The following MLC1 variants were observed in gnomAD, a reference collection of about 807,000 sequenced individuals.
MLC1 encodes modulator of VRAC current 1, also known as membrane protein MLC1.
MLC1 carries 32 observed loss-of-function variants against 44.7 expected under a neutral mutation model. That is an observed-to-expected ratio of 0.72 (90% CI 0.54 to 0.96). The LOEUF (loss-of-function observed/expected upper bound fraction) is 0.96, where lower values mean the gene tolerates loss of function less well. MLC1 is among the 40% of genes least tolerant of loss of function. MLC1 has a pLI of 0.00. For synonymous variants in MLC1, 190 were observed against 213.0 expected (o/e 0.89, Z 0.94); for missense variants, 459 against 492.2 (o/e 0.93, Z 0.64).
intron 3 of MLC1, 115 bp downstream of exon 3, chr22:50,082,969 T>G: frequency 1.9e-6 from 2 of 1,057,982 alleles, no homozygotes; most frequent in South Asian, 1.3e-5. Context: ...CCGGCCCATA[T>G]GAAGAGGTTT....
intron 3 of MLC1, among the ~76,000 whole-genome samples, chr22:50,081,009 A>AAAAAGAAAGAAAGAAAG (rs1555967993): frequency 1.0e-5 from 1 of 96,740 alleles, no homozygotes; most frequent in Non-Finnish European, 2.0e-5. Flanking sequence ...TTGTCTCAAA[A>AAAAAGAAAGAAAGAAAG]AAAGAAAGAA....
At position 50,060,952 on chromosome 22, in the gene MLC1, G is replaced by C. The variant is rs2061548941; in HGVS notation, c.*631C>G. 1 of 158,270 alleles carries C rather than the reference G, an allele frequency of 6.3e-6. No homozygotes were observed. The highest frequency in any genetic ancestry group is 1.4e-5 in the Non-Finnish European group (1 of 71,224). The allele number at this position is 158,270 out of a possible 1,614,324, so 9.8% of individuals were successfully genotyped here. A position where few individuals can be genotyped will look rare whatever the true frequency, so the allele number is the denominator to read the frequency against. On this transcript the variant is annotated 3_prime_UTR_variant, in exon 12 of 12. Coordinates refer to ENST00000311597, the MANE Select transcript of MLC1 (RefSeq NM_015166.4). ...ACTGGTGTGGATTTCACCTGGGAGA[G>C]CAGCGGCAGCCTGTGTCGCTTGCGC... is the stretch of plus-strand genomic sequence containing the variant.
intron 7 of MLC1, among the ~76,000 whole-genome samples, chr22:50,075,283 A>T (rs189693696): frequency 3.9e-5 from 6 of 152,136 alleles, no homozygotes. Flanking sequence ...GATCTCTGTG[A>T]GTCGCAAACA....
chr22:50,074,145 G>C (rs535711197), intron 8 of MLC1, 71 bp downstream of exon 8: 5 of 1,316,282 alleles, frequency 3.8e-6, no homozygotes, highest in African/African-American at 1.4e-5. Flanking sequence ...GACTGAGCTC[G>C]GGGCCCAGCC....
At chr22:50,076,946 C>T (rs775598695) in intron 6 of MLC1, 34 bp from the exon 7 acceptor site, 23 of 1,611,988 alleles carry the variant, frequency 1.4e-5, no homozygotes, top group Non-Finnish European at 1.8e-5. Flanking sequence ...CCCGGGTGCA[C>T]GGGCACAGGG....
intron 9 of MLC1, among the ~76,000 whole-genome samples, chr22:50,069,881 G>A (rs1038938020): frequency 5.3e-5 from 8 of 151,884 alleles, no homozygotes; most frequent in Non-Finnish European, 5.9e-5. Context: ...ATTAACGATC[G>A]ACCAGTTCAA....
In MLC1 at chr22:50,083,185, C is replaced by A; in HGVS notation, c.178-12G>T. 2.5e-6 allele frequency: 4 copies of A among 1,612,060 alleles called. No individual in the cohort carries two copies. The highest frequency in any genetic ancestry group is 2.2e-5 in the East Asian group (1 of 44,880). On this transcript the variant is annotated splice_polypyrimidine_tract_variant and intron_variant, in intron 2 of 11. Coordinates refer to ENST00000311597, the MANE Select transcript of MLC1 (RefSeq NM_015166.4). This position sits in a 1 kb window ranked among gnomAD's most constrained non-coding sequence, Gnocchi z 4.6. ...ACCAGGAGGCAGCTCTGCAAGACAG[C>A]GACAGAATCCCAGGTTACAACGCGC...
chr22:50,077,991 A>T (rs1165507523), intron 5 of MLC1, among the ~76,000 whole-genome samples: 1 of 144,008 alleles, frequency 6.9e-6, no homozygotes. Context: ...CTGTCTGACA[A>T]TTTTTTTTTT....
chr22:50,066,872 A>T (rs2061713124), intron 10 of MLC1, among the ~76,000 whole-genome samples: 1 of 151,988 alleles, frequency 6.6e-6, no homozygotes, highest in African/African-American at 2.4e-5. Context: ...AAAAGAAAAA[A>T]AGCACCAAGC....
chr22:50,074,148 GC>G, intron 8 of MLC1, 67 bp downstream of exon 8: 2 of 1,346,388 alleles, frequency 1.5e-6, no homozygotes, highest in Non-Finnish European at 2.1e-6. Context: ...TGAGCTCGGG[GC>G]CCAGCCACGC....
chr22:50,061,774 G>A, intron 11 of MLC1, 117 bp from the exon 12 acceptor site: 1 of 920,774 alleles, frequency 1.1e-6, no homozygotes. Flanking sequence ...TTCTTCGAAT[G>A]TGAAGGAAGT....
In MLC1 at chr22:50,085,118, A is replaced by C. The variant is rs188951550; in HGVS notation, c.-59-157T>G. ...TTGAATCTAAAAGTGAAAAAGAAAT[A>C]ACTTTCCTAGAAAAACGGACCTGAA... On this transcript the variant is annotated intron_variant, in intron 1 of 11. Coordinates refer to ENST00000311597, the MANE Select transcript of MLC1 (RefSeq NM_015166.4). 215 of 1,428,086 alleles carry C rather than the reference A, an allele frequency of 1.5e-4. 2 individuals are homozygous for C. The Admixed American group carries it at 5.5e-3, about 36-fold the overall frequency. The allele number at this position is 1,428,086 out of a possible 1,614,324, so 88.5% of individuals were successfully genotyped here.
At chr22:50,075,374 A>G (rs1464562813) in intron 7 of MLC1, among the ~76,000 whole-genome samples, 1 of 152,226 alleles carries the variant, frequency 6.6e-6, no homozygotes, top group Non-Finnish European at 1.5e-5. Flanking sequence ...CTGGGCAGCC[A>G]GGCCTTGCGT....
rs987022279 is a variant in MLC1 at position 50,073,081 on chromosome 22, C to A, written c.714+1135G>T. Among the ~76,000 whole-genome samples, 7 of 151,352 alleles carry A rather than the reference C, an allele frequency of 4.6e-5. No homozygotes were observed. The South Asian group carries it at 1.5e-3, about 32-fold the overall frequency. Reference sequence around the variant, plus strand: ...CAGGCGTGGGCCCCTTCTCCGCAGTCCACCCGGCCATACCATTCCCGGGCA... The same window carrying A: ...CAGGCGTGGGCCCCTTCTCCGCAGTACACCCGGCCATACCATTCCCGGGCA... On this transcript the variant is annotated intron_variant, in intron 8 of 11. Transcript: ENST00000311597.
intron 3 of MLC1, among the ~76,000 whole-genome samples, chr22:50,081,499 G>T (rs2062141066): frequency 6.6e-6 from 1 of 152,280 alleles, no homozygotes; most frequent in South Asian, 2.1e-4. Context: ...TAGGAGTCCA[G>T]GGCCAGGGAG....
chr22:50,069,758 C>T (rs1783902988), intron 9 of MLC1, among the ~76,000 whole-genome samples: 1 of 152,180 alleles, frequency 6.6e-6, no homozygotes, highest in Non-Finnish European at 1.5e-5. Flanking sequence ...GTCCTTTTAA[C>T]CCACCCCAAA....
chr22:50,064,669 GC>G (rs986156910), intron 10 of MLC1, among the ~76,000 whole-genome samples: 4 of 152,180 alleles, frequency 2.6e-5, no homozygotes, highest in African/African-American at 9.7e-5. Context: ...CTGAGCACCA[GC>G]TGCTAGGAAG....
intron 3 of MLC1, among the ~76,000 whole-genome samples, chr22:50,081,041 G>GAAAGAAAGAAAGAAAGAAAGAAAGA (rs1187805443): frequency 7.5e-6 from 1 of 133,270 alleles, no homozygotes; most frequent in African/African-American, 2.7e-5. Flanking sequence ...AAGAAAGAAA[G>GAAAGAAAGAAAGAAAGAAAGAAAGA]AAAGAAAGAA....
chr22:50,078,194 T>C (rs1352578346), intron 5 of MLC1, among the ~76,000 whole-genome samples: 1 of 151,938 alleles, frequency 6.6e-6, no homozygotes, highest in African/African-American at 2.4e-5. Flanking sequence ...TTTCTCCATG[T>C]TGGTCAGGCT....
Sources: allele counts gnomAD v4.1 joint callset (sites outside exome capture counted in the v4.1 genomes callset), GRCh38; gene constraint gnomAD v4.1.1; non-coding constraint Gnocchi (gnomAD v3.1); transcripts MANE v1.5; gene names NCBI Gene and HGNC (gene_info 2026-07-23, HGNC 2026-07-21).